Variants in ROBO1 observed in about 807,000 individuals in gnomAD.
ROBO1 encodes roundabout homolog 1.
ROBO1 carries 149 observed loss-of-function variants against 195.9 expected under a neutral mutation model. The observed-to-expected ratio is 0.76, with a 90% confidence interval of 0.67 to 0.87. The LOEUF (loss-of-function observed/expected upper bound fraction) is 0.87, where lower values mean the gene tolerates loss of function less well. ROBO1 is among the 40% of genes least tolerant of loss of function. The pLI, the probability that ROBO1 is intolerant of heterozygous loss-of-function variation, is 0.00. For missense variants in ROBO1, 1,933 were observed against 2,068.3 expected, an observed-to-expected ratio of 0.93 and a Z score of 1.27; for synonymous variants, 816 against 733.2, an observed-to-expected ratio of 1.11 and a Z score of -1.82.
intron 4 of ROBO1, among the ~76,000 whole-genome samples, chr3:78,769,730 G>T (rs1483557733): frequency 6.7e-6 from 1 of 148,620 alleles, no homozygotes; most frequent in Non-Finnish European, 1.5e-5. Flanking sequence ...TTTGTTTCAA[G>T]ATTTAGAGCT....
chr3:79,334,221 T>G (rs1331791364), intron 2 of ROBO1, among the ~76,000 whole-genome samples: 1 of 150,882 alleles, frequency 6.6e-6, no homozygotes, highest in Non-Finnish European at 1.5e-5. Flanking sequence ...GTTAATTGGT[T>G]GAACCTATGA....
chr3:79,135,185 T>A (rs1200498116), intron 2 of ROBO1, among the ~76,000 whole-genome samples: 1 of 151,916 alleles, frequency 6.6e-6, no homozygotes, highest in Non-Finnish European at 1.5e-5. Flanking sequence ...GGCCAGCATC[T>A]CCCCAAACCC....
chr3:78,841,438 T>A (rs1451389982), intron 4 of ROBO1, among the ~76,000 whole-genome samples: 1 of 152,132 alleles, frequency 6.6e-6, no homozygotes, highest in African/African-American at 2.4e-5. Context: ...TCAGAACAAG[T>A]ACAAGGTCTC....
At chr3:79,662,092 C>G (rs1467892654) in intron 1 of ROBO1, among the ~76,000 whole-genome samples, 3 of 152,014 alleles carry the variant, frequency 2.0e-5, no homozygotes, top group African/African-American at 7.2e-5. Flanking sequence ...AAGTGGCCTT[C>G]TAAATTACTG....
intron 4 of ROBO1, among the ~76,000 whole-genome samples, chr3:78,903,421 A>G (rs961869823): frequency 6.6e-6 from 1 of 152,064 alleles, no homozygotes; most frequent in Non-Finnish European, 1.5e-5. Flanking sequence ...TTCACATAAA[A>G]GCATGTGAAA....
intron 3 of ROBO1, among the ~76,000 whole-genome samples, chr3:79,019,802 G>C (rs78383947): frequency 1.3e-5 from 2 of 151,842 alleles, no homozygotes; most frequent in Admixed American, 6.6e-5. Flanking sequence ...CTTCCTTGCC[G>C]CTTCCAGGAA....
intron 3 of ROBO1, among the ~76,000 whole-genome samples, chr3:78,967,942 G>T (rs2076683280): frequency 1.3e-5 from 2 of 152,112 alleles, no homozygotes; most frequent in Non-Finnish European, 2.9e-5. Flanking sequence ...TCTTCCAAAG[G>T]TGAACACATC....
At chr3:79,366,526 T>G (rs1000535509) in intron 2 of ROBO1, among the ~76,000 whole-genome samples, 1 of 152,268 alleles carries the variant, frequency 6.6e-6, no homozygotes, top group South Asian at 2.1e-4. Flanking sequence ...GTCCCTTATC[T>G]TAGTGCTCTC....
intron 2 of ROBO1, among the ~76,000 whole-genome samples, chr3:79,488,939 G>C (rs1939302344): frequency 6.6e-6 from 1 of 151,996 alleles, no homozygotes; most frequent in African/African-American, 2.4e-5. Context: ...ATTTAGCCTT[G>C]AGTCTCCAAA....
intron 3 of ROBO1, chr3:79,018,584 G>C: frequency 1.3e-6 from 2 of 1,502,816 alleles, no homozygotes; most frequent in Non-Finnish European, 1.8e-6. Context: ...GGGTCAATTA[G>C]CCAAGAGTTT....
At chr3:78,833,173 T>C (rs1368521236) in intron 4 of ROBO1, among the ~76,000 whole-genome samples, 2 of 151,844 alleles carry the variant, frequency 1.3e-5, no homozygotes, top group African/African-American at 4.8e-5. Context: ...ATAGTCCACA[T>C]GAGAGATCAT....
chr3:79,450,766 A>G lies in ROBO1; in HGVS notation c.88+139058T>C, dbSNP rs185800138. The stretch of plus-strand genomic sequence containing the variant: ...AAATAATTTCTTATATTAACACTCT[A>G]ACATTCTATAATACCCTGAATTTCA... On this transcript the variant is annotated intron_variant, in intron 2 of 30. Transcript: ENST00000464233. Among the ~76,000 whole-genome samples, 261 of 152,054 alleles carry G rather than the reference A, an allele frequency of 1.7e-3. 1 individual carries two copies. Among genetic ancestry groups the G allele is most frequent in the Non-Finnish European group, 3.2e-3 (214 of 67,894 alleles).
Position 78,750,617 on chromosome 3 carries a change from G to T in ROBO1, c.500-3717C>A, listed in dbSNP as rs79398180. 1.2e-3 allele frequency among the ~76,000 whole-genome samples: 186 copies of T among 152,110 alleles called. 3 individuals carry two copies. In the East Asian group the frequency reaches 0.034, roughly 28 times the overall value. On this transcript the variant is annotated intron_variant, in intron 4 of 30. Transcript: ENST00000464233. ...CTCAAAATAAGTAAACACGTTTTCA[G>T]AAAAGAATTCTAAAATTCAGTGGTG... is the stretch of plus-strand genomic sequence containing the variant.
intron 4 of ROBO1, among the ~76,000 whole-genome samples, chr3:78,837,356 T>C (rs1228271319): frequency 6.6e-6 from 1 of 152,156 alleles, no homozygotes; most frequent in Admixed American, 6.5e-5. Context: ...CCTATGATAC[T>C]ACCAAACAAT....
chr3:79,284,811 A>G (rs1174483385), intron 2 of ROBO1, among the ~76,000 whole-genome samples: 2 of 152,196 alleles, frequency 1.3e-5, no homozygotes, highest in Non-Finnish European at 2.9e-5. Flanking sequence ...ACAGTTATTG[A>G]TTAGTCATCT....
At chr3:78,673,337 T>C (rs1011182445) in intron 10 of ROBO1, among the ~76,000 whole-genome samples, 1 of 150,428 alleles carries the variant, frequency 6.6e-6, no homozygotes, top group African/African-American at 2.4e-5. Context: ...ATAAAAATAA[T>C]AGTGGTGGAG....
At chr3:79,143,133 T>C (rs1435613830) in intron 2 of ROBO1, among the ~76,000 whole-genome samples, 1 of 152,140 alleles carries the variant, frequency 6.6e-6, no homozygotes, top group African/African-American at 2.4e-5. Flanking sequence ...AATGTGTTCC[T>C]CTTTTCTTAG....
At chr3:78,811,694 C>T (rs936350606) in intron 4 of ROBO1, among the ~76,000 whole-genome samples, 5 of 152,206 alleles carry the variant, frequency 3.3e-5, no homozygotes, top group Non-Finnish European at 5.9e-5. Context: ...CTAAACTAGT[C>T]GCTATTCCTC....
At chr3:79,252,280 G>A (rs2082745386) in intron 2 of ROBO1, among the ~76,000 whole-genome samples, 1 of 152,108 alleles carries the variant, frequency 6.6e-6, no homozygotes, top group Non-Finnish European at 1.5e-5. Flanking sequence ...TGGAAATAGG[G>A]TGTTGGAGAT....
Sources: allele counts gnomAD v4.1 joint callset (sites outside exome capture counted in the v4.1 genomes callset), GRCh38; gene constraint gnomAD v4.1.1; transcripts MANE v1.5; gene names NCBI Gene and HGNC (gene_info 2026-07-23, HGNC 2026-07-21).